The following CACNA1E variants were observed in gnomAD, a reference collection of about 807,000 sequenced individuals.
CACNA1E encodes calcium voltage-gated channel subunit alpha1 E, also known as voltage-dependent R-type calcium channel subunit alpha-1E.
A neutral mutation model predicts 259.2 loss-of-function variants in CACNA1E; 40 were observed. The ratio of observed to expected loss-of-function variants is 0.15; its 90% CI spans 0.12 to 0.20. CACNA1E has a LOEUF of 0.20. Among genes scored for constraint, CACNA1E ranks in the 10% least tolerant of loss-of-function variants. The pLI is 1.00. For synonymous variants in CACNA1E, 1,104 were observed against 1,138.5 expected, an observed-to-expected ratio of 0.97 and a Z score of 0.61; for missense variants, 1,874 against 3,040.1, an observed-to-expected ratio of 0.62 and a Z score of 9.02.
chr1:181,611,089 C>A (rs1328871259), intron 6 of CACNA1E, among the ~76,000 whole-genome samples: 1 of 152,174 alleles, frequency 6.6e-6, no homozygotes, highest in Non-Finnish European at 1.5e-5. Context: ...GATACTAATC[C>A]ATTTCCATGA....
At chr1:181,442,697 C>T (rs962451205) in intron 2 of CACNA1E, among the ~76,000 whole-genome samples, 4 of 152,150 alleles carry the variant, frequency 2.6e-5, no homozygotes, top group African/African-American at 9.7e-5. Flanking sequence ...ATGACCATGT[C>T]CTGGTTCTTT....
intron 1 of CACNA1E, among the ~76,000 whole-genome samples, chr1:181,497,352 G>A (rs541803216): frequency 1.3e-5 from 2 of 152,282 alleles, no homozygotes; most frequent in Admixed American, 1.3e-4. Flanking sequence ...TGTGAAAAAG[G>A]CTGGGTGCAG....
intron 2 of CACNA1E, among the ~76,000 whole-genome samples, chr1:181,470,851 C>G (rs1203202453): frequency 3.3e-5 from 5 of 152,184 alleles, no homozygotes; most frequent in African/African-American, 1.2e-4. Context: ...CTCAACTAGT[C>G]TTAAGTTCCA....
At chr1:181,796,183 C>T (rs1661789673) in intron 46 of CACNA1E, among the ~76,000 whole-genome samples, 1 of 152,174 alleles carries the variant, frequency 6.6e-6, no homozygotes, top group African/African-American at 2.4e-5. Context: ...GCTAGCCTGC[C>T]TTTCTCCCCT....
rs559701698 is a variant in CACNA1E at position 181,354,195 on chromosome 1, G to A, written c.-15+36072G>A. Among the ~76,000 whole-genome samples the A allele has an allele frequency of 8.1e-4, 119 of 146,682 alleles. 1 individual carries two copies. The highest frequency in any genetic ancestry group is 3.0e-3 in the African/African-American group (117 of 39,256). On this transcript the variant is annotated intron_variant, in intron 1 of 11. Coordinates refer to the CACNA1E transcript ENST00000524607. ...CTATTGTAACAGTGCTTGCCACATC[G>A]TAGGCACTCAATCAGCATTTGAATA... is the stretch of plus-strand genomic sequence containing the variant.
chr1:181,319,303 T>C (rs1650167270), intron 1 of CACNA1E, among the ~76,000 whole-genome samples: 1 of 152,172 alleles, frequency 6.6e-6, no homozygotes, highest in Admixed American at 6.5e-5. Context: ...GGAAAGGATG[T>C]TTCTGATGCT....
intron 3 of CACNA1E, among the ~76,000 whole-genome samples, chr1:181,512,649 T>A (rs145249098): frequency 6.6e-6 from 1 of 152,212 alleles, no homozygotes; most frequent in South Asian, 2.1e-4. Context: ...CTTTACACCA[T>A]TGGGATTACA....
At chr1:181,749,157 A>G (rs1373470392) in intron 25 of CACNA1E, among the ~76,000 whole-genome samples, 1 of 152,220 alleles carries the variant, frequency 6.6e-6, no homozygotes, top group Non-Finnish European at 1.5e-5. Context: ...TGTGACATAC[A>G]GTAGTGGAAC....
chr1:181,775,726 G>A (rs143890054), intron 37 of CACNA1E, among the ~76,000 whole-genome samples: 103 of 152,260 alleles, frequency 6.8e-4, no homozygotes, highest in South Asian at 4.1e-4. Context: ...AAATTTCAGC[G>A]TCCATAAACA....
At chr1:181,697,625 G>A (rs1334242503) in intron 7 of CACNA1E, among the ~76,000 whole-genome samples, 1 of 152,148 alleles carries the variant, frequency 6.6e-6, no homozygotes, top group Non-Finnish European at 1.5e-5. Flanking sequence ...TTTGTAAAAT[G>A]CATTTGTTTA....
chr1:181,609,932 C>T (rs982432313), intron 6 of CACNA1E, among the ~76,000 whole-genome samples: 2 of 152,194 alleles, frequency 1.3e-5, no homozygotes, highest in African/African-American at 4.8e-5. Flanking sequence ...AGCATATTGG[C>T]TGGAGTTAGA....
intron 3 of CACNA1E, among the ~76,000 whole-genome samples, chr1:181,528,266 A>G (rs1191259484): frequency 6.6e-6 from 1 of 151,424 alleles, no homozygotes; most frequent in Non-Finnish European, 1.5e-5. Context: ...CTTCTTCCTC[A>G]TTTTTCTCTT....
intron 25 of CACNA1E, among the ~76,000 whole-genome samples, chr1:181,742,385 CT>C (rs1289222228): frequency 6.6e-6 from 1 of 152,222 alleles, no homozygotes; most frequent in Non-Finnish European, 1.5e-5. Context: ...TATCTCTCTC[CT>C]TGTGTTTACA....
chr1:181,757,112 C>T lies in CACNA1E; in HGVS notation c.4315C>T (p.Leu1439=), dbSNP rs1286177804. The change falls in exon 30 of 48, where the codon CTG becomes TTG. Residue 1439 remains leucine (L), a synonymous_variant. Coordinates refer to ENST00000367573, the MANE Select transcript of CACNA1E (RefSeq NM_001205293.3). ...GGATAAGATGATGGAGGAGTGCAGC[C>T]TGGAGAAGAATGAGGTAATGACAAT... ...QGDKMMEECS[L]EKNERACIDF... 1.9e-6 allele frequency: 3 copies of T among 1,613,068 alleles called. No individual in the cohort carries two copies. The highest frequency in any genetic ancestry group is 2.5e-6 in the Non-Finnish European group (3 of 1,179,248).
chr1:181,774,868 C>T (rs1659837429), intron 37 of CACNA1E, among the ~76,000 whole-genome samples: 1 of 152,218 alleles, frequency 6.6e-6, no homozygotes, highest in Admixed American at 6.5e-5. Context: ...AGGACCCTTT[C>T]ACTTACAAGA....
At chr1:181,789,336 T>C (rs1661097532) in intron 43 of CACNA1E, among the ~76,000 whole-genome samples, 1 of 152,210 alleles carries the variant, frequency 6.6e-6, no homozygotes, top group Non-Finnish European at 1.5e-5. Context: ...GGGGACAGAT[T>C]AGGTGATTCT....
intron 6 of CACNA1E, among the ~76,000 whole-genome samples, chr1:181,611,273 T>C (rs994265540): frequency 1.6e-4 from 25 of 152,234 alleles, no homozygotes; most frequent in African/African-American, 5.3e-4. Context: ...TCCCCATTGA[T>C]TCCTTCATTC....
At chr1:181,711,187 G>A (rs765493557) in intron 8 of CACNA1E, 118 bp downstream of exon 8, 37 of 705,450 alleles carry the variant, frequency 5.2e-5, no homozygotes, top group Non-Finnish European at 8.7e-5. Flanking sequence ...GAGACACTCT[G>A]GATGCTTGGT....
chr1:181,757,244 G>T (rs1434010749), intron 30 of CACNA1E, 118 bp downstream of exon 30: 4 of 706,002 alleles, frequency 5.7e-6, no homozygotes, highest in Non-Finnish European at 9.5e-6. Context: ...ATAGAGAGAA[G>T]ATGGGAAAAG....
Sources: gnomAD v4.1 joint callset for allele counts (sites outside exome capture counted in the v4.1 genomes callset) on GRCh38, gnomAD v4.1.1 for gene constraint, MANE v1.5 for transcripts, NCBI Gene and HGNC (gene_info 2026-07-23, HGNC 2026-07-21) for gene names.